PHKB: variants seen among roughly 807,000 people sequenced by gnomAD.
PHKB encodes phosphorylase b kinase regulatory subunit beta.
PHKB carries 122 observed loss-of-function variants against 152.1 expected under a neutral mutation model. The ratio of observed to expected loss-of-function variants is 0.80; its 90% CI spans 0.69 to 0.93. The LOEUF is 0.93. Ranked by LOEUF, PHKB falls within the 40% of genes least tolerant of loss-of-function variation. The pLI, the probability that PHKB is intolerant of heterozygous loss-of-function variation, is 0.00. For missense variants in PHKB, 1,304 were observed against 1,328.4 expected, an observed-to-expected ratio of 0.98 and a Z score of 0.29; for synonymous variants, 436 against 464.9, an observed-to-expected ratio of 0.94 and a Z score of 0.80.
In PHKB at chr16:47,683,097, ATGC is replaced by A. The variant is rs551532374; in HGVS notation, c.2631-5937_2631-5935del. ...AACAGCGGATCTTGGTGAACCGCAAATGCTGCTGCCTGATCGTTCCTCTGGAAG... is the reference window on the plus strand; with the variant it reads ...AACAGCGGATCTTGGTGAACCGCAAATGCTGCCTGATCGTTCCTCTGGAAG... On this transcript the variant is annotated intron_variant, in intron 26 of 30. Transcript: ENST00000323584. 2.7e-3 allele frequency among the ~76,000 whole-genome samples: 408 copies of A among 152,282 alleles called. 2 individuals are homozygous for A. Among genetic ancestry groups the A allele is most frequent in the African/African-American group, 9.4e-3 (389 of 41,558 alleles).
chr16:47,507,002 C>T (rs781060942), intron 4 of PHKB, among the ~76,000 whole-genome samples: 1 of 152,104 alleles, frequency 6.6e-6, no homozygotes, highest in African/African-American at 2.4e-5. Context: ...GAGACAAGGT[C>T]TCTCTGGGTC....
At chr16:47,631,837 C>T (rs531422937) in intron 14 of PHKB, among the ~76,000 whole-genome samples, 299 of 152,218 alleles carry the variant, frequency 2.0e-3, no homozygotes, top group Non-Finnish European at 3.5e-3. Context: ...TATGGTATTC[C>T]GTGGTGTATA....
rs769525884 is a variant in PHKB at position 47,588,975 on chromosome 16, G to A, written c.941G>A (p.Ser314Asn). 21 of 1,613,916 alleles carry A rather than the reference G, an allele frequency of 1.3e-5. No individual in the cohort carries two copies. In the East Asian group the frequency reaches 3.8e-4, roughly 29 times the overall value. ...AFALDDEVLF[S>N]QTLDKVVRKL... ...GCCCTGGATGATGAAGTTCTTTTTA[G>A]CCAGACACTTGATAAAGTGGTTAGA... Residue 314 changes from serine to asparagine, a missense_variant, in exon 10 of 31, where the codon AGC (serine) becomes AAC (asparagine). Physicochemically the swap from Ser to Asn is conservative, Grantham distance 46. Coordinates refer to ENST00000323584, the MANE Select transcript of PHKB (RefSeq NM_000293.3).
intron 14 of PHKB, among the ~76,000 whole-genome samples, chr16:47,614,633 C>T (rs1306969522): frequency 3.3e-5 from 5 of 152,092 alleles, no homozygotes; most frequent in Non-Finnish European, 1.5e-5. Flanking sequence ...ATTATAGAAA[C>T]CTTACTTCTT....
intron 7 of PHKB, among the ~76,000 whole-genome samples, chr16:47,550,750 G>C (rs898403692): frequency 6.6e-6 from 1 of 152,148 alleles, no homozygotes; most frequent in Non-Finnish European, 1.5e-5. Context: ...TTAGGGAGGA[G>C]TCCCTCTTTT....
chr16:47,651,937 A>C (rs1392086729), intron 20 of PHKB, among the ~76,000 whole-genome samples: 1 of 151,966 alleles, frequency 6.6e-6, no homozygotes, highest in Non-Finnish European at 1.5e-5. Context: ...CATGTTGGCT[A>C]TCATGTTTTA....
chr16:47,555,301 C>G lies in PHKB; in HGVS notation c.710+7753C>G, dbSNP rs141359699. On this transcript the variant is annotated intron_variant, in intron 7 of 30. Transcript: ENST00000323584. ...ACCATAGTACTGTGAAGTCCTTGTT[C>G]TTCTAGGAAATGTGATTGGTAGCTC... 2.9e-3 allele frequency among the ~76,000 whole-genome samples: 440 copies of G among 152,250 alleles called. 2 individuals are homozygous for G. Among genetic ancestry groups the G allele is most frequent in the African/African-American group, 0.01 (418 of 41,560 alleles).
chr16:47,573,406 C>A lies in PHKB; in HGVS notation c.711-6889C>A, dbSNP rs554657132. Reference sequence around the variant, plus strand: ...TGTGACCCCAGTGGCGATCCGAGGGCAGTTCCCTGGCCACTGGGGTAATGT... The same window carrying A: ...TGTGACCCCAGTGGCGATCCGAGGGAAGTTCCCTGGCCACTGGGGTAATGT... On this transcript the variant is annotated intron_variant, in intron 7 of 30. Coordinates refer to ENST00000323584, the MANE Select transcript of PHKB (RefSeq NM_000293.3). Among the ~76,000 whole-genome samples, 3 of 152,304 alleles carry A rather than the reference C, an allele frequency of 2.0e-5. No individual in the cohort carries two copies. The South Asian group carries it at 6.2e-4, about 32-fold the overall frequency.
rs539553349 is a variant in PHKB, at chr16:47,484,841, C to T, written c.77-12558C>T. 4.6e-5 allele frequency among the ~76,000 whole-genome samples: 7 copies of T among 152,212 alleles called. No homozygotes were observed. The South Asian group carries it at 1.2e-3, about 27-fold the overall frequency. On this transcript the variant is annotated intron_variant, in intron 1 of 30. Coordinates refer to ENST00000323584, the MANE Select transcript of PHKB (RefSeq NM_000293.3). ...TTTCCTTTTTCCATTTAAAAAATTG[C>T]ACAAGTAGTAAATGCATATAATATT...
rs1972123314 is a variant in PHKB, at chr16:47,596,543, A to G, written c.1363+12A>G. 2.5e-6 allele frequency: 4 copies of G among 1,611,628 alleles called. No individual in the cohort carries two copies. The highest frequency in any genetic ancestry group is 3.4e-6 in the Non-Finnish European group (4 of 1,178,020). ...CGCAAAACTCCTGGGTAAGTGGAGA[A>G]GATTGGGAATGGTATTTTTTTCCTT... is the stretch of plus-strand genomic sequence containing the variant. On this transcript the variant is annotated intron_variant, in intron 13 of 30. Coordinates refer to ENST00000323584, the MANE Select transcript of PHKB (RefSeq NM_000293.3).
Position 47,696,368 on chromosome 16 carries a change from T to C in PHKB, c.2896-13T>C. 7.4e-7 allele frequency: 1 copy of C among 1,352,616 alleles called. No individual in the cohort carries two copies. Among genetic ancestry groups the C allele is most frequent in the South Asian group, 1.2e-5 (1 of 85,862 alleles). 83.8% of individuals were successfully genotyped at this position (1,352,616 alleles called of 1,614,324 possible). On this transcript the variant is annotated splice_polypyrimidine_tract_variant and intron_variant, in intron 28 of 30. Transcript: ENST00000323584. ...AACGGTTCAGCATGTTAATGTGGAG[T>C]TATTTTTTTCAGCAACCAACCCTGT...
At chr16:47,645,769 A>C (rs922167167) in intron 16 of PHKB, among the ~76,000 whole-genome samples, 12 of 149,564 alleles carry the variant, frequency 8.0e-5, no homozygotes, top group Non-Finnish European at 1.5e-4. Context: ...GCCAAAAAAC[A>C]CATGAAGAAA....
At chr16:47,632,929 G>C (rs1347568328) in intron 14 of PHKB, among the ~76,000 whole-genome samples, 2 of 152,150 alleles carry the variant, frequency 1.3e-5, no homozygotes, top group East Asian at 1.9e-4. Context: ...TTTTTAGCAT[G>C]ATGAGTTGCA....
At chr16:47,664,732 C>T (rs1305060682) in intron 24 of PHKB, 153 bp from the exon 25 acceptor site, 5 of 673,134 alleles carry the variant, frequency 7.4e-6, no homozygotes, top group Non-Finnish European at 1.4e-5. Flanking sequence ...TGATTAAGCA[C>T]ATCTGTTCTT....
chr16:47,629,109 A>G (rs998829673), intron 14 of PHKB, among the ~76,000 whole-genome samples: 1 of 152,244 alleles, frequency 6.6e-6, no homozygotes, highest in African/African-American at 2.4e-5. Flanking sequence ...GGACATAGGC[A>G]TGGGCAAGGA....
At chr16:47,489,882 A>G (rs1335989670) in intron 1 of PHKB, among the ~76,000 whole-genome samples, 1 of 152,216 alleles carries the variant, frequency 6.6e-6, no homozygotes, top group African/African-American at 2.4e-5. Flanking sequence ...ACTGATGCAA[A>G]CATCTATATT....
intron 14 of PHKB, among the ~76,000 whole-genome samples, chr16:47,616,383 G>A (rs1300318170): frequency 6.7e-6 from 1 of 150,252 alleles, no homozygotes; most frequent in Non-Finnish European, 1.5e-5. Flanking sequence ...TTCATTCTTT[G>A]TATGTGGTTA....
chr16:47,592,842 G>A (rs1972051450), intron 10 of PHKB, among the ~76,000 whole-genome samples: 1 of 152,034 alleles, frequency 6.6e-6, no homozygotes, highest in African/African-American at 2.4e-5. Context: ...AAGATCTGAG[G>A]AAAAATTTTT....
At chr16:47,472,019 G>A (rs1454827205) in intron 1 of PHKB, among the ~76,000 whole-genome samples, 1 of 152,146 alleles carries the variant, frequency 6.6e-6, no homozygotes, top group African/African-American at 2.4e-5. Flanking sequence ...TTGCACCACT[G>A]CACTCCAGCC....
Sources: gnomAD v4.1 joint callset for allele counts (sites outside exome capture counted in the v4.1 genomes callset) on GRCh38, gnomAD v4.1.1 for gene constraint, MANE v1.5 for transcripts, NCBI Gene and HGNC (gene_info 2026-07-23, HGNC 2026-07-21) for gene names.